SUFU: variants seen among roughly 807,000 people sequenced by gnomAD.
SUFU encodes suppressor of fused homolog.
In SUFU, 7 loss-of-function variants were observed where a neutral mutation model predicts 58.9. The ratio of observed to expected loss-of-function variants is 0.12; its 90% CI spans 0.07 to 0.22. SUFU has a LOEUF of 0.22. SUFU is among the 10% of genes least tolerant of loss of function. SUFU has a pLI of 1.00. For missense variants in SUFU, 451 were observed against 641.3 expected, an observed-to-expected ratio of 0.70 and a Z score of 3.20; for synonymous variants, 232 against 254.8, an observed-to-expected ratio of 0.91 and a Z score of 0.85.
intron 3 of SUFU, among the ~76,000 whole-genome samples, chr10:102,562,333 G>A (rs536691335): frequency 6.5e-4 from 98 of 151,646 alleles, no homozygotes; most frequent in African/African-American, 2.3e-3. Context: ...GATCATCCTG[G>A]CCAACATGGT....
At chr10:102,512,563 A>G (rs2062413438) in intron 2 of SUFU, among the ~76,000 whole-genome samples, 1 of 152,212 alleles carries the variant, frequency 6.6e-6, no homozygotes, top group South Asian at 2.1e-4. Flanking sequence ...TTCTGGTTTA[A>G]TACTATCCTC....
chr10:102,540,439 TC>T (rs752888554), intron 2 of SUFU, among the ~76,000 whole-genome samples: 192 of 152,132 alleles, frequency 1.3e-3, no homozygotes, highest in Non-Finnish European at 2.4e-3. Flanking sequence ...TCACTTGAGG[TC>T]AGTAGTTCAA....
rs764465406 is a variant in SUFU, at chr10:102,617,483, C to T, written c.1296+55C>T. 7.0e-5 allele frequency: 113 copies of T among 1,612,258 alleles called. 1 individual carries two copies. In the Middle Eastern group the frequency reaches 9.9e-4, roughly 14 times the overall value. On this transcript the variant is annotated intron_variant, in intron 10 of 11. Transcript: ENST00000369902. The surrounding 1 kb of genome is among the most constrained non-coding windows in gnomAD (Gnocchi z 4.4). ...TCCTTTCATAGACTTCCTTGCCCAC[C>T]CCTCCTCTTCTCCCTTGGCAGCTCT...
rs1316400044 is a variant in SUFU at position 102,518,545 on chromosome 10, C to CTATCTATCTATT, written c.317+9245_317+9246insCTATCTATTTAT. 3.4e-4 allele frequency among the ~76,000 whole-genome samples: 52 copies of CTATCTATCTATT among 151,764 alleles called. 1 individual carries two copies. Among genetic ancestry groups the CTATCTATCTATT allele is most frequent in the East Asian group, 2.7e-3 (14 of 5,130 alleles). On this transcript the variant is annotated intron_variant, in intron 2 of 11. Coordinates refer to ENST00000369902, the MANE Select transcript of SUFU (RefSeq NM_016169.4). ...TCTATCTATCTATCTATCTATCTATCTATTTATTTATTTATTTTTGACACA... is the reference window on the plus strand; with the variant it reads ...TCTATCTATCTATCTATCTATCTATCTATCTATCTATTTATTTATTTATTTATTTTTGACACA...
chr10:102,567,806 G>A (rs950654009), intron 3 of SUFU, among the ~76,000 whole-genome samples: 3 of 152,112 alleles, frequency 2.0e-5, no homozygotes, highest in African/African-American at 7.2e-5. Context: ...CATACCTGGG[G>A]CACTGTGCTG....
intron 3 of SUFU, among the ~76,000 whole-genome samples, chr10:102,565,647 G>A (rs1252758293): frequency 6.6e-6 from 1 of 152,088 alleles, no homozygotes. Flanking sequence ...CAGGTTCACG[G>A]CATTCTCCTG....
chr10:102,599,534 G>T lies in SUFU; in HGVS notation c.1012G>T (p.Asp338Tyr), dbSNP rs145082320. Residue 338 changes from aspartate to tyrosine, a missense_variant, in exon 8 of 12, where the codon GAC (aspartate) becomes TAC (tyrosine). Physicochemically the swap from Asp to Tyr is radical, Grantham distance 160 (BLOSUM62 -3). Transcript: ENST00000369902. ...NPQRQNGLAH[D>Y]RAPSRKDSLE... ...TCAGCGGCAGAATGGCCTCGCCCACGACCGGGCCCCGTAAGTTCCCCAGTG... is the reference window on the plus strand; with the variant it reads ...TCAGCGGCAGAATGGCCTCGCCCACTACCGGGCCCCGTAAGTTCCCCAGTG... 1 of 1,614,060 alleles carries T rather than the reference G, an allele frequency of 6.2e-7. No individual in the cohort carries two copies. Among genetic ancestry groups the T allele is most frequent in the East Asian group, 2.2e-5 (1 of 44,880 alleles).
At chr10:102,508,175 T>G (rs1409561112) in intron 1 of SUFU, among the ~76,000 whole-genome samples, 1 of 152,104 alleles carries the variant, frequency 6.6e-6, no homozygotes, top group Non-Finnish European at 1.5e-5. Flanking sequence ...GGTTTCACCA[T>G]GTTGGCCAGG....
intron 3 of SUFU, among the ~76,000 whole-genome samples, chr10:102,556,771 G>GGGA (rs2062984374): frequency 6.7e-6 from 1 of 149,970 alleles, no homozygotes; most frequent in South Asian, 2.1e-4. Flanking sequence ...GAGGAAGGAA[G>GGGA]GGAAGAAGGA....
At chr10:102,526,592 T>C (rs1055913449) in intron 2 of SUFU, among the ~76,000 whole-genome samples, 1 of 152,074 alleles carries the variant, frequency 6.6e-6, no homozygotes, top group African/African-American at 2.4e-5. Flanking sequence ...GATGGTACTC[T>C]GGAGCTTACA....
At position 102,630,302 on chromosome 10, in the gene SUFU, G is replaced by A; in HGVS notation, c.*147G>A. 1.3e-6 allele frequency: 1 copy of A among 743,324 alleles called. No individual in the cohort carries two copies. Among genetic ancestry groups the A allele is most frequent in the Non-Finnish European group, 2.3e-6 (1 of 434,074 alleles). 46.0% of individuals were successfully genotyped at this position (743,324 alleles called of 1,614,324 possible). A position where few individuals can be genotyped will look rare whatever the true frequency, so the allele number is the denominator to read the frequency against. On this transcript the variant is annotated 3_prime_UTR_variant, in exon 12 of 12. Coordinates refer to ENST00000369902, the MANE Select transcript of SUFU (RefSeq NM_016169.4). ...GTGCCACCCCGCAGCCCAGTGGGGT[G>A]CCATGCACAGGCCACAGGCCCTCCA...
At chr10:102,589,411 C>T (rs2063370627) in intron 3 of SUFU, among the ~76,000 whole-genome samples, 1 of 144,040 alleles carries the variant, frequency 6.9e-6, no homozygotes, top group Admixed American at 6.9e-5. Context: ...TTTACTTCTT[C>T]CTTTCCAATC....
intron 3 of SUFU, among the ~76,000 whole-genome samples, chr10:102,559,623 C>T (rs2063015426): frequency 6.6e-6 from 1 of 152,202 alleles, no homozygotes; most frequent in African/African-American, 2.4e-5. Flanking sequence ...GTTTTTCTTA[C>T]TTCCCTGTTC....
At chr10:102,521,853 T>C (rs1283474132) in intron 2 of SUFU, among the ~76,000 whole-genome samples, 1 of 152,224 alleles carries the variant, frequency 6.6e-6, no homozygotes, top group Non-Finnish European at 1.5e-5. Flanking sequence ...TTTTCACTTA[T>C]AAAAACAGTT....
rs903742863 is a variant in SUFU, at chr10:102,629,866, G to A, written c.1366-200G>A. On this transcript the variant is annotated intron_variant, in intron 11 of 11. Transcript: ENST00000369902. This position sits in a 1 kb window ranked among gnomAD's most constrained non-coding sequence, Gnocchi z 4.7. ...CAACCTGCCTCATTATTGACAGGCCGTGGGGAAAGAAGGGGTCACCAACTC... is the reference window on the plus strand; with the variant it reads ...CAACCTGCCTCATTATTGACAGGCCATGGGGAAAGAAGGGGTCACCAACTC... Among the ~76,000 whole-genome samples the A allele has an allele frequency of 3.3e-5, 5 of 152,212 alleles. No individual in the cohort carries two copies. The highest frequency in any genetic ancestry group is 4.8e-5 in the African/African-American group (2 of 41,446).
Position 102,617,504 on chromosome 10 carries a change from G to A in SUFU, c.1296+76G>A. On this transcript the variant is annotated intron_variant, in intron 10 of 11. Coordinates refer to ENST00000369902, the MANE Select transcript of SUFU (RefSeq NM_016169.4). The surrounding 1 kb of genome is among the most constrained non-coding windows in gnomAD (Gnocchi z 4.4). ...CCACCCCTCCTCTTCTCCCTTGGCAGCTCTTGATGGCACCCCTTCCTGGGG... is the reference window on the plus strand; with the variant it reads ...CCACCCCTCCTCTTCTCCCTTGGCAACTCTTGATGGCACCCCTTCCTGGGG... 1 of 1,594,148 alleles carries A rather than the reference G, an allele frequency of 6.3e-7. No individual in the cohort carries two copies. Among genetic ancestry groups the A allele is most frequent in the Non-Finnish European group, 8.6e-7 (1 of 1,162,532 alleles).
At chr10:102,582,450 G>A (rs1050429513) in intron 3 of SUFU, among the ~76,000 whole-genome samples, 4 of 151,992 alleles carry the variant, frequency 2.6e-5, no homozygotes, top group Non-Finnish European at 2.9e-5. Flanking sequence ...TATTATATCC[G>A]GGACAGTCCA....
chr10:102,552,083 T>C (rs549558870), intron 3 of SUFU, among the ~76,000 whole-genome samples: 11 of 152,032 alleles, frequency 7.2e-5, no homozygotes, highest in Non-Finnish European at 1.5e-4. Flanking sequence ...CTATGTAGCA[T>C]TTTCCCAAAA....
intron 2 of SUFU, among the ~76,000 whole-genome samples, chr10:102,537,616 G>A (rs1373996169): frequency 6.6e-6 from 1 of 152,084 alleles, no homozygotes. Flanking sequence ...CTATGAATGT[G>A]ACTACTCTGG....
Sources: gnomAD v4.1 joint callset for allele counts (sites outside exome capture counted in the v4.1 genomes callset) on GRCh38, gnomAD v4.1.1 for gene constraint, Gnocchi (gnomAD v3.1) non-coding constraint, MANE v1.5 for transcripts, NCBI Gene and HGNC (gene_info 2026-07-23, HGNC 2026-07-21) for gene names.